The following LIN52 variants were observed in gnomAD, a reference collection of about 807,000 sequenced individuals.
LIN52 encodes the protein protein lin-52 homolog.
A neutral mutation model predicts 18.5 loss-of-function variants in LIN52; 4 were observed. The ratio of observed to expected loss-of-function variants is 0.22; its 90% CI spans 0.11 to 0.49. The LOEUF (loss-of-function observed/expected upper bound fraction) is 0.49, where lower values mean the gene tolerates loss of function less well. LIN52 is among the 20% of genes least tolerant of loss of function. The pLI, the probability that LIN52 is intolerant of heterozygous loss-of-function variation, is 0.97. For synonymous variants in LIN52, 34 were observed against 45.5 expected (o/e 0.75, Z 1.02); for missense variants, 102 against 139.5 (o/e 0.73, Z 1.35).
At chr14:74,099,106 C>G (rs2060836375) in intron 4 of LIN52, among the ~76,000 whole-genome samples, 1 of 151,968 alleles carries the variant, frequency 6.6e-6, no homozygotes. Context: ...TGATTTTGCC[C>G]TACTTTATTT....
At chr14:74,119,410 C>T (rs896807506) in intron 5 of LIN52, among the ~76,000 whole-genome samples, 10 of 152,018 alleles carry the variant, frequency 6.6e-5, no homozygotes, top group Non-Finnish European at 1.3e-4. Context: ...GTGATCCGCC[C>T]GCCTTGGCCT....
chr14:74,149,448 G>T (rs1014531461), intron 5 of LIN52, among the ~76,000 whole-genome samples: 2 of 152,156 alleles, frequency 1.3e-5, no homozygotes, highest in African/African-American at 4.8e-5. Flanking sequence ...ATCATGATGA[G>T]ATAAGACTGC....
intron 5 of LIN52, among the ~76,000 whole-genome samples, chr14:74,167,923 A>C (rs1330035026): frequency 6.6e-6 from 1 of 152,180 alleles, no homozygotes; most frequent in African/African-American, 2.4e-5. Flanking sequence ...GTTACATTTC[A>C]GAGGGCAGAA....
intron 5 of LIN52, among the ~76,000 whole-genome samples, chr14:74,156,551 G>C (rs187737561): frequency 6.6e-6 from 1 of 152,238 alleles, no homozygotes; most frequent in Admixed American, 6.5e-5. Flanking sequence ...GTGAGTTATA[G>C]GGTGATATTT....
intron 5 of LIN52, among the ~76,000 whole-genome samples, chr14:74,155,580 G>T (rs977019212): frequency 6.6e-6 from 1 of 152,170 alleles, no homozygotes; most frequent in Non-Finnish European, 1.5e-5. Flanking sequence ...TTTCCTTGGA[G>T]ACCACTCTAG....
chr14:74,097,651 G>C, intron 3 of LIN52, 143 bp from the exon 4 acceptor site: 2 of 562,984 alleles, frequency 3.6e-6, no homozygotes, highest in South Asian at 4.6e-5. Context: ...GGCCAGGCGG[G>C]TCTCGAACTC....
chr14:74,196,661 G>C (rs1252180962), intron 5 of LIN52, among the ~76,000 whole-genome samples: 1 of 151,974 alleles, frequency 6.6e-6, no homozygotes, highest in African/African-American at 2.4e-5. Context: ...AAGGAACGGA[G>C]TTTTGTTTGC....
At chr14:74,191,532 A>G (rs1474931408) in intron 5 of LIN52, among the ~76,000 whole-genome samples, 1 of 152,254 alleles carries the variant, frequency 6.6e-6, no homozygotes, top group African/African-American at 2.4e-5. Flanking sequence ...AACTATAACT[A>G]TAACAAATGG....
intron 5 of LIN52, among the ~76,000 whole-genome samples, chr14:74,184,991 AC>A (rs1351014176): frequency 1.3e-5 from 2 of 151,700 alleles, no homozygotes; most frequent in African/African-American, 4.8e-5. Context: ...AACATGGAAG[AC>A]CCTAGTAACC....
At chr14:74,103,733 GTT>G (rs573188668) in intron 5 of LIN52, among the ~76,000 whole-genome samples, 63 of 46,016 alleles carry the variant, frequency 1.4e-3, no homozygotes, top group African/African-American at 3.0e-3. Context: ...GGCCTGGCCA[GTT>G]TTTTTTTTTT....
rs1414281957 is a variant in LIN52, at chr14:74,200,443, A to T, written c.*1466A>T. The T allele has an allele frequency of 8.2e-6, 1 of 121,588 alleles. No homozygotes were observed. The highest frequency in any genetic ancestry group is 2.9e-5 in the African/African-American group (1 of 33,940). The allele number at this position is 121,588 out of a possible 1,614,324, so 7.5% of individuals were successfully genotyped here. On this transcript the variant is annotated 3_prime_UTR_variant, in exon 6 of 6. Transcript: ENST00000555028. ...AAAAAAAAAAAAAAAAAAAAAAAAA[A>T]GAATATCCCTGTGGCAATAGTCTGA...
At chr14:74,175,038 T>TAATAATAATAATA (rs2061286844) in intron 5 of LIN52, among the ~76,000 whole-genome samples, 1 of 149,162 alleles carries the variant, frequency 6.7e-6, no homozygotes. Flanking sequence ...ATAATAATAA[T>TAATAATAATAATA]AATAATGTAC....
intron 5 of LIN52, among the ~76,000 whole-genome samples, chr14:74,137,469 T>C (rs1176485158): frequency 1.3e-5 from 2 of 150,878 alleles, no homozygotes; most frequent in African/African-American, 2.4e-5. Flanking sequence ...TAAGAGAACA[T>C]TGAGCACTAA....
At chr14:74,124,597 G>T (rs1179449095) in intron 5 of LIN52, among the ~76,000 whole-genome samples, 1 of 152,002 alleles carries the variant, frequency 6.6e-6, no homozygotes, top group Non-Finnish European at 1.5e-5. Flanking sequence ...GATTGCTTGA[G>T]CTCAGGAGTT....
chr14:74,174,795 A>AAAG lies in LIN52; in HGVS notation c.284-24125_284-24124insGAA, dbSNP rs543417496. The AAAG allele has an allele frequency of 1.4e-3, 205 of 151,136 alleles. 2 individuals carry two copies. Among genetic ancestry groups the AAAG allele is most frequent in the African/African-American group, 4.8e-3 (197 of 41,178 alleles). The allele number at this position is 151,136 out of a possible 1,614,324, so 9.4% of individuals were successfully genotyped here. ...AAAACAGTATAATACATTTGAAAAAAAAAATGGTACACCTAGCCTGGGCAA... is the reference window on the plus strand; with the variant it reads ...AAAACAGTATAATACATTTGAAAAAAAAGAAAATGGTACACCTAGCCTGGGCAA... On this transcript the variant is annotated intron_variant, in intron 5 of 5. Coordinates refer to ENST00000555028, the MANE Select transcript of LIN52 (RefSeq NM_001024674.3).
At chr14:74,087,528 A>G (rs1235551895) in intron 1 of LIN52, among the ~76,000 whole-genome samples, 3 of 150,892 alleles carry the variant, frequency 2.0e-5, no homozygotes, top group African/African-American at 7.3e-5. Flanking sequence ...ACAAAGTTTC[A>G]CTCCTCTCCA....
At chr14:74,141,313 T>C (rs893198981) in intron 5 of LIN52, among the ~76,000 whole-genome samples, 4 of 152,236 alleles carry the variant, frequency 2.6e-5, no homozygotes, top group Non-Finnish European at 4.4e-5. Flanking sequence ...GATGCAATCA[T>C]AATATACATA....
intron 5 of LIN52, among the ~76,000 whole-genome samples, chr14:74,130,422 C>T (rs1166602484): frequency 2.7e-5 from 4 of 150,574 alleles, no homozygotes; most frequent in East Asian, 1.9e-4. Flanking sequence ...GGATTACAGG[C>T]GTGTACCACC....
chr14:74,192,581 C>T, intron 5 of LIN52: 1 of 197,012 alleles, frequency 5.1e-6, no homozygotes, highest in South Asian at 8.4e-5. Context: ...AGCCACCATG[C>T]CCAGCCAACA....
Sources: gnomAD v4.1 joint callset for allele counts (sites outside exome capture counted in the v4.1 genomes callset) on GRCh38, gnomAD v4.1.1 for gene constraint, MANE v1.5 for transcripts, NCBI Gene and HGNC (gene_info 2026-07-23, HGNC 2026-07-21) for gene names.